PLCG2: variants seen among roughly 807,000 people sequenced by gnomAD.
PLCG2 encodes the protein 1-phosphatidylinositol 4,5-bisphosphate phosphodiesterase gamma-2.
In PLCG2, 69 loss-of-function variants were observed where a neutral mutation model predicts 175.6. The observed-to-expected ratio is 0.39, with a 90% CI of 0.32 to 0.48. The LOEUF (loss-of-function observed/expected upper bound fraction) is 0.48, where lower values mean the gene tolerates loss of function less well. Among genes scored for constraint, PLCG2 ranks in the 20% least tolerant of loss-of-function variants. The pLI, the probability that PLCG2 is intolerant of heterozygous loss-of-function variation, is 0.91. For synonymous variants in PLCG2, 827 were observed against 624.0 expected (o/e 1.33, Z -4.85); for missense variants, 1,798 against 1,650.9 (o/e 1.09, Z -1.54).
rs1191066585 is a variant in PLCG2, at chr16:81,787,908, C to CT, written c.193+1731dup. 6.6e-5 allele frequency among the ~76,000 whole-genome samples: 10 copies of CT among 152,232 alleles called. No homozygotes were observed. The East Asian group carries it at 1.9e-3, about 29-fold the overall frequency. ...TTTGTTGCGTGGATCAGAAATTTTC[C>CT]TTTTTGTGGCAGAATCACGATACGT... On this transcript the variant is annotated intron_variant, in intron 2 of 32. Coordinates refer to ENST00000564138, the MANE Select transcript of PLCG2 (RefSeq NM_002661.5).
At chr16:81,956,599 A>G (rs1911578036) in intron 31 of PLCG2, 96 bp from the exon 32 acceptor site, 3 of 1,100,100 alleles carry the variant, frequency 2.7e-6, no homozygotes, top group Non-Finnish European at 3.9e-6. Flanking sequence ...CTTCTGCCCC[A>G]TGCTCCCTTT....
intron 2 of PLCG2, among the ~76,000 whole-genome samples, chr16:81,758,604 C>T (rs1263512386): frequency 1.3e-5 from 2 of 152,062 alleles, no homozygotes; most frequent in African/African-American, 2.4e-5. Context: ...GCAACATTTA[C>T]TACTCCCACC....
chr16:81,945,149 A>C (rs1911102402), intron 30 of PLCG2, among the ~76,000 whole-genome samples: 1 of 152,204 alleles, frequency 6.6e-6, no homozygotes, highest in Non-Finnish European at 1.5e-5. Context: ...TAAGCAGCGG[A>C]AAGTGAGAGA....
intron 19 of PLCG2, among the ~76,000 whole-genome samples, chr16:81,916,558 T>C (rs1829609724): frequency 6.7e-6 from 1 of 149,894 alleles, no homozygotes. Context: ...ATTGAGATAA[T>C]AACATATACA....
intron 2 of PLCG2, among the ~76,000 whole-genome samples, chr16:81,804,555 T>C (rs978261737): frequency 2.6e-5 from 4 of 152,250 alleles, no homozygotes; most frequent in African/African-American, 9.6e-5. Context: ...CTTCTGCTTT[T>C]TTTGTGGCAC....
intron 2 of PLCG2, among the ~76,000 whole-genome samples, chr16:81,772,883 C>T (rs1910314102): frequency 6.6e-6 from 1 of 152,138 alleles, no homozygotes; most frequent in Non-Finnish European, 1.5e-5. Flanking sequence ...AAAAGGGAGA[C>T]CTTCGGATGC....
intron 20 of PLCG2, among the ~76,000 whole-genome samples, chr16:81,920,686 A>G (rs1024935031): frequency 6.6e-6 from 1 of 152,186 alleles, no homozygotes; most frequent in Non-Finnish European, 1.5e-5. Flanking sequence ...AGAGAGGAAC[A>G]GAGAGGTGGT....
chr16:81,871,086 C>A, intron 7 of PLCG2, 151 bp downstream of exon 7: 1 of 529,216 alleles, frequency 1.9e-6, no homozygotes, highest in South Asian at 2.7e-5. Flanking sequence ...ATACCATTTT[C>A]ATCCATTAGA....
intron 12 of PLCG2, among the ~76,000 whole-genome samples, chr16:81,894,840 G>A (rs1440521952): frequency 2.0e-5 from 3 of 150,184 alleles, no homozygotes; most frequent in Non-Finnish European, 3.0e-5. Flanking sequence ...GCCGCTGCAC[G>A]CCAGCCTGGG....
intron 2 of PLCG2, among the ~76,000 whole-genome samples, chr16:81,846,539 A>G (rs1906128587): frequency 6.6e-6 from 1 of 152,162 alleles, no homozygotes; most frequent in South Asian, 2.1e-4. Flanking sequence ...ATTTATTTTT[A>G]TCCTCAAGGA....
intron 21 of PLCG2, 48 bp from the exon 22 acceptor site, chr16:81,923,436 TC>T (rs767828951): frequency 4.2e-6 from 5 of 1,179,920 alleles, no homozygotes. Context: ...GCCGCCTCCC[TC>T]CCCTCCTGTC....
chr16:81,929,619 C>G (rs1597139155), intron 24 of PLCG2, among the ~76,000 whole-genome samples: 1 of 152,246 alleles, frequency 6.6e-6, no homozygotes, highest in Non-Finnish European at 1.5e-5. Context: ...TGGTCTCAAA[C>G]TGCTGACCTC....
chr16:81,895,143 T>A (rs942571933), intron 12 of PLCG2, among the ~76,000 whole-genome samples: 1 of 152,264 alleles, frequency 6.6e-6, no homozygotes, highest in Admixed American at 6.5e-5. Context: ...TTTGAAAATA[T>A]TACTGTGAAC....
intron 2 of PLCG2, among the ~76,000 whole-genome samples, chr16:81,757,653 TTTA>T (rs1909956640): frequency 1.3e-5 from 2 of 152,218 alleles, no homozygotes; most frequent in Non-Finnish European, 2.9e-5. Flanking sequence ...GGAAAAGAGC[TTTA>T]TTGAGATATA....
chr16:81,891,338 TG>T, intron 10 of PLCG2, 133 bp from the exon 11 acceptor site: 1 of 666,108 alleles, frequency 1.5e-6, no homozygotes, highest in Non-Finnish European at 2.8e-6. Flanking sequence ...CGTGGGTAAC[TG>T]AGGTCTGGAG....
chr16:81,739,747 C>T (rs1387991003), intron 1 of PLCG2: 1 of 152,252 alleles, frequency 6.6e-6, no homozygotes, highest in East Asian at 1.9e-4. Flanking sequence ...ACTTAAACAC[C>T]CTGTGCCTCC....
intron 2 of PLCG2, among the ~76,000 whole-genome samples, chr16:81,797,871 C>A (rs1409192074): frequency 6.6e-6 from 1 of 151,504 alleles, no homozygotes; most frequent in African/African-American, 2.4e-5. Flanking sequence ...TCACTCTGTC[C>A]CCAGGCTGAA....
At chr16:81,885,187 TG>T (rs757642549) in intron 9 of PLCG2, among the ~76,000 whole-genome samples, 23 of 152,038 alleles carry the variant, frequency 1.5e-4, no homozygotes, top group Admixed American at 3.3e-4. Context: ...CCACAACACC[TG>T]TATTTTTGTA....
intron 2 of PLCG2, among the ~76,000 whole-genome samples, chr16:81,799,623 G>A (rs1252403504): frequency 1.5e-5 from 2 of 133,642 alleles, no homozygotes; most frequent in Middle Eastern, 0.011. Context: ...TTTTGAGACA[G>A]AGTCTCGCTC....
Sources: allele counts gnomAD v4.1 joint callset (sites outside exome capture counted in the v4.1 genomes callset), GRCh38; gene constraint gnomAD v4.1.1; transcripts MANE v1.5; gene names NCBI Gene and HGNC (gene_info 2026-07-23, HGNC 2026-07-21).